CNTN6: variants seen among roughly 807,000 people sequenced by gnomAD.
CNTN6 encodes contactin-6.
CNTN6 carries 137 observed loss-of-function variants against 122.8 expected under a neutral mutation model. That is an observed-to-expected ratio of 1.12 (90% CI 0.97 to 1.29). The LOEUF is 1.29. CNTN6 is among the 50% of genes most tolerant of loss of function. The probability of loss-of-function intolerance (pLI) is 0.00; values close to 1 mark genes in which losing one functional copy is unlikely to be tolerated. For synonymous variants in CNTN6, 570 were observed against 426.0 expected (o/e 1.34, Z -4.16); for missense variants, 1,634 against 1,223.4 (o/e 1.34, Z -5.01).
chr3:1,327,376 A>G, intron 9 of CNTN6, 81 bp from the exon 10 acceptor site: 1 of 1,380,530 alleles, frequency 7.2e-7, no homozygotes, highest in Admixed American at 1.9e-5. Context: ...GATATACACA[A>G]ATGTTGTTTA....
chr3:1,209,006 T>A (rs1309316010), intron 2 of CNTN6, among the ~76,000 whole-genome samples: 1 of 152,146 alleles, frequency 6.6e-6, no homozygotes, highest in African/African-American at 2.4e-5. Context: ...AGATAAGCAA[T>A]GATGTAGAAT....
chr3:1,367,676 G>A (rs570478913), intron 12 of CNTN6, among the ~76,000 whole-genome samples: 1 of 152,162 alleles, frequency 6.6e-6, no homozygotes, highest in Non-Finnish European at 1.5e-5. Context: ...AGACCCAGCA[G>A]TCGGCATGCG....
chr3:1,289,954 G>T (rs1055730875), intron 5 of CNTN6, among the ~76,000 whole-genome samples: 1 of 152,142 alleles, frequency 6.6e-6, no homozygotes, highest in African/African-American at 2.4e-5. Flanking sequence ...GATTGCAGGC[G>T]TGAGCCAATG....
intron 12 of CNTN6, among the ~76,000 whole-genome samples, chr3:1,368,126 A>G (rs1231984723): frequency 1.3e-5 from 2 of 152,206 alleles, no homozygotes; most frequent in Non-Finnish European, 2.9e-5. Flanking sequence ...CATTATTTTT[A>G]TATGATGCTT....
chr3:1,362,119 C>T (rs558047876), intron 12 of CNTN6, among the ~76,000 whole-genome samples: 1 of 152,234 alleles, frequency 6.6e-6, no homozygotes, highest in African/African-American at 2.4e-5. Flanking sequence ...TTGACCAGGA[C>T]TTAAAATGAC....
chr3:1,303,212 C>T (rs1025192395), intron 7 of CNTN6, among the ~76,000 whole-genome samples: 1 of 72,564 alleles, frequency 1.4e-5, no homozygotes, highest in African/African-American at 3.4e-5. Flanking sequence ...TTCAAAATTA[C>T]AGTCTGATAA....
At chr3:1,227,773 T>C in intron 3 of CNTN6, 45 bp from the exon 4 acceptor site, 1 of 1,576,358 alleles carries the variant, frequency 6.3e-7, no homozygotes, top group Non-Finnish European at 8.7e-7. Context: ...CAAAGATTGA[T>C]TGACTCTGTA....
rs140056180 is a variant in CNTN6 at position 1,272,437 on chromosome 3, G to A, written c.359-5976G>A. ...AATGAGTGTACTTATCAGAGCATCT[G>A]ACATATAATGGCTATTCTCCATATA... On this transcript the variant is annotated intron_variant, in intron 4 of 22. Coordinates refer to ENST00000446702, the MANE Select transcript of CNTN6 (RefSeq NM_001289080.2). Among the ~76,000 whole-genome samples the A allele has an allele frequency of 3.4e-3, 512 of 152,228 alleles. 4 individuals carry two copies. Among genetic ancestry groups the A allele is most frequent in the African/African-American group, 0.011 (457 of 41,548 alleles).
chr3:1,227,867 A>G lies in CNTN6; in HGVS notation c.232A>G (p.Arg78Gly), dbSNP rs2094304413. The G allele has an allele frequency of 6.2e-7, 1 of 1,614,014 alleles. No individual in the cohort carries two copies. The highest frequency in any genetic ancestry group is 2.2e-5 in the East Asian group (1 of 44,858). ...TGATTTTACTATGAGTTATCACTACAGGTTGGATGGAGGCAGTCTTGCAAT... is the reference window on the plus strand; with the variant it reads ...TGATTTTACTATGAGTTATCACTACGGGTTGGATGGAGGCAGTCTTGCAAT... ...DIDFTMSYHYRLDGGSLAINS... is the reference protein window; with the variant it reads ...DIDFTMSYHYGLDGGSLAINS... The change falls in exon 4 of 23, where the codon AGG becomes GGG. Residue 78 changes from arginine to glycine, a missense_variant. Physicochemically the swap from Arg to Gly is moderately radical, Grantham distance 125 (BLOSUM62 -2). Transcript: ENST00000446702.
Position 1,227,927 on chromosome 3 carries a change from T to C in CNTN6, c.292T>C (p.Tyr98His). Residue 98 changes from tyrosine (Y) to histidine (H), a missense_variant, in exon 4 of 23, where the codon TAC becomes CAC. Coordinates refer to ENST00000446702, the MANE Select transcript of CNTN6 (RefSeq NM_001289080.2). ...CCACACAGATCAAGATATTGGCATGTACCAGTGCCTGGCCACCAATCTTCT... is the reference window on the plus strand; with the variant it reads ...CCACACAGATCAAGATATTGGCATGCACCAGTGCCTGGCCACCAATCTTCT... ...SPHTDQDIGMYQCLATNLLGT... is the reference protein window; with the variant it reads ...SPHTDQDIGMHQCLATNLLGT... 3.1e-6 allele frequency: 5 copies of C among 1,614,056 alleles called. No individual in the cohort carries two copies. Among genetic ancestry groups the C allele is most frequent in the Non-Finnish European group, 3.4e-6 (4 of 1,179,958 alleles).
chr3:1,362,730 T>A (rs1707646858), intron 12 of CNTN6, among the ~76,000 whole-genome samples: 1 of 151,778 alleles, frequency 6.6e-6, no homozygotes. Context: ...GAAAGAAAAT[T>A]AGGCATGAGC....
chr3:1,198,605 C>T (rs185687738), intron 2 of CNTN6, among the ~76,000 whole-genome samples: 2 of 152,066 alleles, frequency 1.3e-5, no homozygotes, highest in Admixed American at 1.3e-4. Context: ...GCTTGTAATC[C>T]CTGCTATTCA....
intron 17 of CNTN6, among the ~76,000 whole-genome samples, chr3:1,379,399 T>G (rs1022996506): frequency 4.6e-5 from 7 of 152,078 alleles, no homozygotes; most frequent in African/African-American, 1.7e-4. Context: ...GTAGCAACAA[T>G]AGACGCTAGC....
intron 20 of CNTN6, 52 bp downstream of exon 20, chr3:1,385,849 A>G (rs1237886354): frequency 4.1e-6 from 6 of 1,452,318 alleles, no homozygotes; most frequent in Non-Finnish European, 5.5e-6. Context: ...AGAGCAACCT[A>G]TTCCTTTGCT....
At chr3:1,315,139 C>T (rs920238130) in intron 7 of CNTN6, among the ~76,000 whole-genome samples, 19 of 151,934 alleles carry the variant, frequency 1.3e-4, no homozygotes, top group South Asian at 2.1e-4. Flanking sequence ...AGAGATTTAA[C>T]GATAATCTCC....
At chr3:1,113,058 T>A (rs555027360) in intron 1 of CNTN6, among the ~76,000 whole-genome samples, 1 of 152,278 alleles carries the variant, frequency 6.6e-6, no homozygotes, top group East Asian at 1.9e-4. Context: ...GTTGTAGAGA[T>A]GAAAGTCAGA....
intron 4 of CNTN6, among the ~76,000 whole-genome samples, chr3:1,276,210 C>T (rs764671190): frequency 1.3e-5 from 2 of 152,098 alleles, no homozygotes; most frequent in Non-Finnish European, 1.5e-5. Context: ...AAAATTCATT[C>T]TGTAACTTTA....
intron 11 of CNTN6, among the ~76,000 whole-genome samples, chr3:1,340,466 C>T (rs1284763470): frequency 6.6e-6 from 1 of 152,054 alleles, no homozygotes; most frequent in East Asian, 1.9e-4. Flanking sequence ...ACACAATGTT[C>T]GGAAGACTGA....
At chr3:1,119,322 C>CGTGTGT (rs369235352) in intron 1 of CNTN6, among the ~76,000 whole-genome samples, 98 of 126,546 alleles carry the variant, frequency 7.7e-4, no homozygotes, top group Admixed American at 3.8e-3. Flanking sequence ...ACAGAAAAAT[C>CGTGTGT]GTGTGTGTGT....
Sources: gnomAD v4.1 joint callset for allele counts (sites outside exome capture counted in the v4.1 genomes callset) on GRCh38, gnomAD v4.1.1 for gene constraint, MANE v1.5 for transcripts, NCBI Gene and HGNC (gene_info 2026-07-23, HGNC 2026-07-21) for gene names.